The following NUP98 variants were observed in gnomAD, a reference collection of about 807,000 sequenced individuals.
NUP98 encodes the protein nucleoporin 98 and 96 precursor.
A neutral mutation model predicts 191.9 loss-of-function variants in NUP98; 26 were observed. The ratio of observed to expected loss-of-function variants is 0.14; its 90% CI spans 0.10 to 0.19. The LOEUF is 0.19. NUP98 is among the 10% of genes least tolerant of loss of function. NUP98 has a pLI of 1.00. For missense variants in NUP98, 1,941 were observed against 2,178.8 expected, an observed-to-expected ratio of 0.89 and a Z score of 2.17; for synonymous variants, 808 against 778.4, an observed-to-expected ratio of 1.04 and a Z score of -0.63.
At chr11:3,786,496 T>C (rs567864836) in intron 1 of NUP98, among the ~76,000 whole-genome samples, 1 of 152,256 alleles carries the variant, frequency 6.6e-6, no homozygotes, top group African/African-American at 2.4e-5. Context: ...AAAAGAAAAA[T>C]GAAATAGTGT....
In NUP98 at chr11:3,757,096, A is replaced by AAT. The variant is rs1554898625; in HGVS notation, c.1174+3441_1174+3442dup. On this transcript the variant is annotated intron_variant, in intron 10 of 32. Coordinates refer to ENST00000324932, the MANE Select transcript of NUP98 (RefSeq NM_016320.5). ...GAGCGAGACTCCATCTCAAAAAAAAAATATATATATATATCTATATATCTA... is the reference window on the plus strand; with the variant it reads ...GAGCGAGACTCCATCTCAAAAAAAAAATATATATATATATATCTATATATCTA... 2.2e-3 allele frequency among the ~76,000 whole-genome samples: 326 copies of AAT among 147,900 alleles called. 2 individuals are homozygous for AAT. The highest frequency in any genetic ancestry group is 3.0e-3 in the Admixed American group (44 of 14,758).
intron 12 of NUP98, among the ~76,000 whole-genome samples, chr11:3,744,099 T>C (rs1330936551): frequency 6.6e-6 from 1 of 152,126 alleles, no homozygotes; most frequent in Non-Finnish European, 1.5e-5. Flanking sequence ...TAGATAAAAC[T>C]AAATTTAGGA....
At chr11:3,718,544 A>G (rs913009061) in intron 18 of NUP98, among the ~76,000 whole-genome samples, 1 of 152,066 alleles carries the variant, frequency 6.6e-6, no homozygotes, top group Non-Finnish European at 1.5e-5. Context: ...TCAAAAGAAG[A>G]AAGAAAGAAA....
intron 1 of NUP98, among the ~76,000 whole-genome samples, chr11:3,791,353 T>C (rs2082340979): frequency 6.7e-6 from 1 of 148,628 alleles, no homozygotes; most frequent in Non-Finnish European, 1.5e-5. Context: ...GCCAACATGG[T>C]GAAACCTCAT....
intron 20 of NUP98, among the ~76,000 whole-genome samples, chr11:3,709,887 TG>T (rs1407761268): frequency 7.0e-6 from 1 of 143,876 alleles, no homozygotes; most frequent in Non-Finnish European, 1.5e-5. Context: ...GACGAGTTAA[TG>T]GGTGCAGCAC....
chr11:3,754,061 G>C (rs530542607), intron 10 of NUP98, among the ~76,000 whole-genome samples: 38 of 152,212 alleles, frequency 2.5e-4, no homozygotes, highest in African/African-American at 8.2e-4. Flanking sequence ...GCCTTTGTAA[G>C]GCCCAAAGCT....
chr11:3,691,564 T>G, intron 27 of NUP98, 75 bp from the exon 28 acceptor site: 1 of 1,482,032 alleles, frequency 6.7e-7, no homozygotes, highest in Non-Finnish European at 9.2e-7. Flanking sequence ...TTTCTTCTTT[T>G]TTTTTTTGAG....
intron 1 of NUP98, 126 bp downstream of exon 1, chr11:3,797,274 G>A (rs960081888): frequency 5.0e-6 from 2 of 397,252 alleles, no homozygotes; most frequent in African/African-American, 2.1e-5. Context: ...TCTCAGGCCA[G>A]AAGGTGCGCG....
chr11:3,744,367 G>A (rs2080408087), intron 12 of NUP98, 142 bp downstream of exon 12: 1 of 761,128 alleles, frequency 1.3e-6, no homozygotes, highest in African/African-American at 1.8e-5. Context: ...CTATTAATAA[G>A]CCCTTCTTTA....
intron 19 of NUP98, among the ~76,000 whole-genome samples, chr11:3,713,292 T>C (rs572069413): frequency 6.6e-5 from 10 of 152,328 alleles, no homozygotes; most frequent in East Asian, 3.9e-4. Context: ...TAAATCCTCA[T>C]AGGAGTTGGG....
intron 10 of NUP98, among the ~76,000 whole-genome samples, chr11:3,754,466 A>G (rs767332088): frequency 6.6e-6 from 1 of 152,068 alleles, no homozygotes; most frequent in Non-Finnish European, 1.5e-5. Flanking sequence ...ATCAACAAAG[A>G]CACTTTAACT....
intron 8 of NUP98, among the ~76,000 whole-genome samples, chr11:3,764,720 A>T (rs1299038841): frequency 6.6e-6 from 1 of 152,224 alleles, no homozygotes; most frequent in East Asian, 1.9e-4. Flanking sequence ...CTGGAACTAC[A>T]GGTGGGCACC....
At chr11:3,722,997 A>G (rs541548580) in intron 16 of NUP98, among the ~76,000 whole-genome samples, 160 bp downstream of exon 16, 3 of 152,286 alleles carry the variant, frequency 2.0e-5, no homozygotes, top group Admixed American at 6.5e-5. Context: ...GAATCAACTA[A>G]AGCATAAAAC....
At chr11:3,736,539 C>A (rs886077205) in intron 12 of NUP98, among the ~76,000 whole-genome samples, 4 of 152,036 alleles carry the variant, frequency 2.6e-5, no homozygotes, top group African/African-American at 9.7e-5. Context: ...CACCTATAAC[C>A]CCAGCTGGAA....
intron 25 of NUP98, among the ~76,000 whole-genome samples, chr11:3,697,678 T>C (rs1360136892): frequency 6.6e-6 from 1 of 151,894 alleles, no homozygotes; most frequent in Non-Finnish European, 1.5e-5. Context: ...TAGCTGGGCA[T>C]GGTGGCAGGC....
At chr11:3,699,461 C>T in intron 24 of NUP98, 113 bp from the exon 25 acceptor site, 3 of 1,166,860 alleles carry the variant, frequency 2.6e-6, no homozygotes, top group Non-Finnish European at 3.6e-6. Flanking sequence ...ACATCTCAAA[C>T]AACCACTCAA....
chr11:3,693,503 A>C, intron 26 of NUP98, 128 bp from the exon 27 acceptor site: 1 of 951,754 alleles, frequency 1.1e-6, no homozygotes, highest in South Asian at 1.8e-5. Context: ...AAATATACAA[A>C]TATAATAAAA....
intron 12 of NUP98, among the ~76,000 whole-genome samples, chr11:3,738,107 A>ACAAAAAAAAACC (rs2080143612): frequency 2.7e-5 from 4 of 147,674 alleles, no homozygotes; most frequent in Admixed American, 1.4e-4. Flanking sequence ...AAAAAAAAAA[A>ACAAAAAAAAACC]CCAAAGACTT....
At position 3,729,354 on chromosome 11, in the gene NUP98, G is replaced by T. The variant is rs112754916; in HGVS notation, c.1730+2037C>A. ...ACTAGGAAATTGTGGGGTCCTGGAAGACAATTATGAAAGTGAATCAAGGAG... is the reference window on the plus strand; with the variant it reads ...ACTAGGAAATTGTGGGGTCCTGGAATACAATTATGAAAGTGAATCAAGGAG... On this transcript the variant is annotated intron_variant, in intron 14 of 32. Coordinates refer to ENST00000324932, the MANE Select transcript of NUP98 (RefSeq NM_016320.5). 4.6e-3 allele frequency among the ~76,000 whole-genome samples: 701 copies of T among 151,894 alleles called. 2 individuals carry two copies. The highest frequency in any genetic ancestry group is 0.016 in the African/African-American group (669 of 41,398).
Sources: gnomAD v4.1 joint callset for allele counts (sites outside exome capture counted in the v4.1 genomes callset) on GRCh38, gnomAD v4.1.1 for gene constraint, MANE v1.5 for transcripts, NCBI Gene and HGNC (gene_info 2026-07-23, HGNC 2026-07-21) for gene names.